Variants in EEF2K observed in about 807,000 individuals in gnomAD.
EEF2K encodes the protein alternative protein EEF2K.
EEF2K carries 70 observed loss-of-function variants against 93.8 expected under a neutral mutation model. That is an observed-to-expected ratio of 0.75 (90% confidence interval 0.62 to 0.91). EEF2K has a LOEUF of 0.91. Among genes scored for constraint, EEF2K ranks in the 40% least tolerant of loss-of-function variants. EEF2K has a pLI of 0.00. For missense variants in EEF2K, 935 were observed against 972.9 expected, an observed-to-expected ratio of 0.96 and a Z score of 0.52; for synonymous variants, 376 against 380.8, an observed-to-expected ratio of 0.99 and a Z score of 0.15.
At chr16:22,247,822 C>T (rs1001833081) in intron 3 of EEF2K, among the ~76,000 whole-genome samples, 2 of 152,084 alleles carry the variant, frequency 1.3e-5, no homozygotes, top group African/African-American at 4.8e-5. Context: ...ACCCGTACAC[C>T]GGCAGCCCTT....
intron 15 of EEF2K, among the ~76,000 whole-genome samples, chr16:22,273,366 G>A (rs2047604419): frequency 6.6e-6 from 1 of 152,168 alleles, no homozygotes; most frequent in Non-Finnish European, 1.5e-5. Flanking sequence ...CCTGACAATG[G>A]TAAACTGACA....
At position 22,263,047 on chromosome 16, in the gene EEF2K, G is replaced by A. The variant is rs1476919376; in HGVS notation, c.1300-63G>A. The A allele has an allele frequency of 7.3e-6, 11 of 1,512,330 alleles. No individual in the cohort carries two copies. The South Asian group carries it at 1.2e-4, about 16-fold the overall frequency. The allele number at this position is 1,512,330 out of a possible 1,614,324, so 93.7% of individuals were successfully genotyped here. On this transcript the variant is annotated intron_variant, in intron 11 of 17. Transcript: ENST00000263026. The stretch of plus-strand genomic sequence containing the variant: ...AAGCTAACAGTTGGGGTGTTGAGAT[G>A]TCATAACCATTTCCAGGTGCTCAGG...
At chr16:22,269,302 A>G (rs2141682235) in intron 15 of EEF2K, among the ~76,000 whole-genome samples, 1 of 152,132 alleles carries the variant, frequency 6.6e-6, no homozygotes, top group Admixed American at 6.5e-5. Flanking sequence ...CTCTGTCTCC[A>G]TCTTTCCCTC....
At chr16:22,262,287 G>A (rs551589538) in intron 11 of EEF2K, among the ~76,000 whole-genome samples, 2 of 152,046 alleles carry the variant, frequency 1.3e-5, no homozygotes, top group African/African-American at 2.4e-5. Context: ...CAAGGCAGGC[G>A]GATCACAAGT....
In EEF2K at chr16:22,284,144, T is replaced by A. The variant is rs926844993; in HGVS notation, c.*148T>A. On this transcript the variant is annotated 3_prime_UTR_variant, in exon 18 of 18. Transcript: ENST00000263026. ...ATTTTATATTTCATTTTTTGACTCT[T>A]GAAAAATGTCTTTGCTCCTTGGCAG... The A allele has an allele frequency of 6.7e-6, 5 of 751,020 alleles. No individual in the cohort carries two copies. The highest frequency in any genetic ancestry group is 1.1e-5 in the Non-Finnish European group (5 of 459,598). The allele number at this position is 751,020 out of a possible 1,614,324, so 46.5% of individuals were successfully genotyped here. A position where few individuals can be genotyped will look rare whatever the true frequency, so the allele number is the denominator to read the frequency against.
At chr16:22,256,455 G>A (rs948907745) in intron 6 of EEF2K, among the ~76,000 whole-genome samples, 13 of 151,680 alleles carry the variant, frequency 8.6e-5, no homozygotes, top group South Asian at 6.3e-4. Flanking sequence ...GGCTGGTCTC[G>A]AACTCCTAAC....
chr16:22,272,956 A>C (rs1172096687), intron 15 of EEF2K, among the ~76,000 whole-genome samples: 2 of 152,214 alleles, frequency 1.3e-5, no homozygotes, highest in Non-Finnish European at 2.9e-5. Flanking sequence ...GATTACAGGC[A>C]TGAGCCACCC....
At chr16:22,210,333 G>A (rs1486242260) in intron 1 of EEF2K, among the ~76,000 whole-genome samples, 1 of 152,146 alleles carries the variant, frequency 6.6e-6, no homozygotes, top group African/African-American at 2.4e-5. Flanking sequence ...GCTAAACTGC[G>A]GAAAATTGCC....
intron 16 of EEF2K, among the ~76,000 whole-genome samples, chr16:22,274,028 G>A (rs948905514): frequency 1.3e-5 from 2 of 152,218 alleles, no homozygotes; most frequent in Non-Finnish European, 2.9e-5. Flanking sequence ...TGGTATGGCT[G>A]GGCGCGGTGG....
intron 1 of EEF2K, among the ~76,000 whole-genome samples, chr16:22,224,323 C>T (rs780709730): frequency 1.3e-5 from 2 of 151,856 alleles, no homozygotes; most frequent in South Asian, 2.1e-4. Flanking sequence ...ACAAAGTAAA[C>T]GGGGTGATTT....
At position 22,250,365 on chromosome 16, in the gene EEF2K, C is replaced by T. The variant is rs533483176; in HGVS notation, c.409-289C>T. On this transcript the variant is annotated intron_variant, in intron 4 of 17. Coordinates refer to ENST00000263026, the MANE Select transcript of EEF2K (RefSeq NM_013302.5). ...TCTCTTACAGTCAGGGCTGGGAAAA[C>T]GTCCTCTGAGATGCACTGTCCCTCC... 2.2e-4 allele frequency among the ~76,000 whole-genome samples: 33 copies of T among 152,210 alleles called. No homozygotes were observed. In the East Asian group the frequency reaches 6.4e-3, roughly 29 times the overall value.
intron 15 of EEF2K, among the ~76,000 whole-genome samples, chr16:22,267,150 C>G (rs2047532596): frequency 6.6e-6 from 1 of 152,024 alleles, no homozygotes; most frequent in African/African-American, 2.4e-5. Flanking sequence ...CAGAAGACAC[C>G]AGTGGAAACA....
At chr16:22,207,676 T>G (rs2046876711) in intron 1 of EEF2K, among the ~76,000 whole-genome samples, 1 of 151,840 alleles carries the variant, frequency 6.6e-6, no homozygotes, top group Non-Finnish European at 1.5e-5. Flanking sequence ...GCGAATTGAG[T>G]CACGTAGTCT....
chr16:22,258,471 A>T, intron 9 of EEF2K, 23 bp from the exon 10 acceptor site: 1 of 1,612,652 alleles, frequency 6.2e-7, no homozygotes, highest in Non-Finnish European at 8.5e-7. Flanking sequence ...GCGTGACATG[A>T]GTATCCCTAT....
Position 22,283,892 on chromosome 16 carries a change from T to C in EEF2K, c.2074T>C (p.Leu692=), listed in dbSNP as rs149196143. The C allele has an allele frequency of 4.1e-5, 66 of 1,592,098 alleles. No homozygotes were observed. The highest frequency in any genetic ancestry group is 5.6e-5 in the Non-Finnish European group (66 of 1,169,350). The change falls in exon 18 of 18, where the codon TTG becomes CTG. Residue 692 remains leucine (L), a synonymous_variant. Transcript: ENST00000263026. ...CCCCCTTTGCTGTCTTTCAGGGGAC[T>C]TGTATACCCAGGCAGCAGAGGCAGC... is the stretch of plus-strand genomic sequence containing the variant. ...LEKDPQRSGD[L]YTQAAEAAME... is the part of the protein sequence containing the mutation.
chr16:22,254,068 C>T (rs199975311), intron 6 of EEF2K, among the ~76,000 whole-genome samples: 9 of 152,022 alleles, frequency 5.9e-5, no homozygotes, highest in Admixed American at 1.3e-4. Flanking sequence ...TACTGCACTC[C>T]GGCCTGGGTG....
At chr16:22,227,082 C>A (rs2047072442) in intron 2 of EEF2K, among the ~76,000 whole-genome samples, 1 of 152,062 alleles carries the variant, frequency 6.6e-6, no homozygotes, top group Non-Finnish European at 1.5e-5. Flanking sequence ...ACCTGTAATC[C>A]CAGCTACTTG....
intron 2 of EEF2K, among the ~76,000 whole-genome samples, chr16:22,238,470 A>G (rs1260668877): frequency 6.6e-6 from 1 of 151,938 alleles, no homozygotes; most frequent in Non-Finnish European, 1.5e-5. Context: ...AGAGACTGTC[A>G]TCTCTACACA....
chr16:22,268,042 G>A (rs979512497), intron 15 of EEF2K, among the ~76,000 whole-genome samples: 1 of 152,132 alleles, frequency 6.6e-6, no homozygotes, highest in Non-Finnish European at 1.5e-5. Flanking sequence ...TCTCCTTGAC[G>A]GGTTGGTTTG....
Sources: gnomAD v4.1 joint callset for allele counts (sites outside exome capture counted in the v4.1 genomes callset) on GRCh38, gnomAD v4.1.1 for gene constraint, MANE v1.5 for transcripts, NCBI Gene and HGNC (gene_info 2026-07-23, HGNC 2026-07-21) for gene names.